TTN: variants seen among roughly 807,000 people sequenced by gnomAD.
TTN encodes titin.
In TTN, 1,525 loss-of-function variants were observed where a neutral mutation model predicts 3,223.0. That is an observed-to-expected ratio of 0.47 (90% CI 0.45 to 0.49). The LOEUF (loss-of-function observed/expected upper bound fraction) is 0.49, where lower values mean the gene tolerates loss of function less well. Ranked by LOEUF, TTN falls within the 20% of genes least tolerant of loss-of-function variation. The probability of loss-of-function intolerance (pLI) is 0.00; values close to 1 mark genes in which losing one functional copy is unlikely to be tolerated. For synonymous variants in TTN, 14,094 were observed against 15,161.0 expected (o/e 0.93, Z 5.17); for missense variants, 40,786 against 43,424.0 (o/e 0.94, Z 5.40).
rs1060503971 is a variant in TTN, at chr2:178,560,686, A to G, written c.85446T>C (p.Asp28482=). The change falls in exon 326 of 363, where the codon GAT becomes GAC. Residue 28482 remains aspartate, a synonymous_variant. Transcript: ENST00000589042. ...GTTTTTCTACGATGTAATAGTCGATATCTGCACCACCATCTTCTTGGGGAC... is the reference window on the plus strand; with the variant it reads ...GTTTTTCTACGATGTAATAGTCGATGTCTGCACCACCATCTTCTTGGGGAC... The part of the protein sequence containing the change: ...WGRPQEDGGA[D]IDYYIVEKRE... 6.2e-6 allele frequency: 10 copies of G among 1,613,710 alleles called. No individual in the cohort carries two copies. In the South Asian group the frequency reaches 7.7e-5, roughly 12 times the overall value.
chr2:178,764,129 TA>T (rs1316765226), intron 43 of TTN, 47 bp downstream of exon 43: 1 of 1,613,746 alleles, frequency 6.2e-7, no homozygotes, highest in Non-Finnish European at 8.5e-7. Context: ...TTTTCCCATG[TA>T]ATTATTTGTA....
chr2:178,592,276 A>C lies in TTN; in HGVS notation c.59628T>G (p.Asp19876Glu). Residue 19876 changes from aspartate to glutamate, a missense_variant and splice_region_variant, in exon 302 of 363, where the codon GAT (aspartate) becomes GAG (glutamate). By Grantham distance (45) the Asp-to-Glu change is conservative (BLOSUM62 2). Transcript: ENST00000589042. ...CCAGATCTCTAGGTGGCCCAGGTTT[A>C]TCTAAAAAGTGTTAAATAACAGTTT... The part of the protein sequence containing the change: ...KTVSVKVLVL[D>E]KPGPPRDLEV... 1 of 1,608,100 alleles carries C rather than the reference A, an allele frequency of 6.2e-7. No individual in the cohort carries two copies. The highest frequency in any genetic ancestry group is 8.5e-7 in the Non-Finnish European group (1 of 1,178,358).
At chr2:178,702,116 A>G in intron 108 of TTN, 50 bp from the exon 109 acceptor site, 1 of 1,613,370 alleles carries the variant, frequency 6.2e-7, no homozygotes, top group South Asian at 1.1e-5. Flanking sequence ...TGGTATAGGT[A>G]GGCTACGTGT....
chr2:178,541,274 G>T lies in TTN; in HGVS notation c.97795+8C>A. ...TCAATCAATTTGACTGATACAAAAT[G>T]TCCTTACCAATTGGATCCATGGCAA... On this transcript the variant is annotated splice_region_variant and intron_variant, in intron 350 of 362. Coordinates refer to ENST00000589042, the MANE Select transcript of TTN (RefSeq NM_001267550.2). 4 of 1,487,374 alleles carry T rather than the reference G, an allele frequency of 2.7e-6. No homozygotes were observed. The highest frequency in any genetic ancestry group is 3.6e-6 in the Non-Finnish European group (4 of 1,109,628). The allele number at this position is 1,487,374 out of a possible 1,614,324, so 92.1% of individuals were successfully genotyped here.
Position 178,565,227 on chromosome 2 carries a change from C to G in TTN, c.80905G>C (p.Val26969Leu). 6.2e-7 allele frequency: 1 copy of G among 1,613,542 alleles called. No individual in the cohort carries two copies. Among genetic ancestry groups the G allele is most frequent in the Non-Finnish European group, 8.5e-7 (1 of 1,179,688 alleles). The change falls in exon 326 of 363, where the codon GTT (valine) becomes CTT (leucine). Residue 26969 changes from valine (V) to leucine (L), a missense_variant. By Grantham distance (32) the Val-to-Leu change is conservative. Coordinates refer to ENST00000589042, the MANE Select transcript of TTN (RefSeq NM_001267550.2). ...GTATENLSVI[V>L]LEKPGPPVGP... ...ACTGGAGGTCCAGGCTTTTCTAAAACGATAACACTGAGATTTTCTGTTGCT... is the reference window on the plus strand; with the variant it reads ...ACTGGAGGTCCAGGCTTTTCTAAAAGGATAACACTGAGATTTTCTGTTGCT...
chr2:178,566,282 T>C lies in TTN; in HGVS notation c.79850A>G (p.Lys26617Arg). ...AGTGATCTCAGGCGTTGGACGACCT[T>C]TGAATGGAATGTGAATTCTGGCAGA... ...GGSARIHIPFKGRPTPEITWS... is the reference protein window; with the variant it reads ...GGSARIHIPFRGRPTPEITWS... The change falls in exon 326 of 363, where the codon AAA (lysine) becomes AGA (arginine). Residue 26617 changes from lysine to arginine, a missense_variant. Lys to Arg is a conservative substitution (Grantham distance 26). Transcript: ENST00000589042. The C allele has an allele frequency of 1.9e-6, 3 of 1,613,674 alleles. No homozygotes were observed. Among genetic ancestry groups the C allele is most frequent in the Middle Eastern group, 1.7e-4 (1 of 6,060 alleles).
At chr2:178,667,415 T>C in intron 161 of TTN, 27 bp downstream of exon 161, 1 of 1,586,590 alleles carries the variant, frequency 6.3e-7, no homozygotes, top group Non-Finnish European at 8.6e-7. Context: ...AAGATACTCA[T>C]CTGGGTTTGA....
At chr2:178,790,240 A>C in intron 11 of TTN, 125 bp from the exon 12 acceptor site, 1 of 974,992 alleles carries the variant, frequency 1.0e-6, no homozygotes, top group East Asian at 2.7e-5. Context: ...AATTGCACTA[A>C]AATATATCAT....
In TTN at chr2:178,731,304, C is replaced by A. The variant is rs747990127; in HGVS notation, c.17461+1G>T. On this transcript the variant is annotated splice_donor_variant, in intron 59 of 362. Coordinates refer to ENST00000589042, the MANE Select transcript of TTN (RefSeq NM_001267550.2). LOFTEE classifies it high-confidence loss of function. Reference sequence around the variant, plus strand: ...ACCCAAGGCAAACGTTCTGAACCAACCTTTTACTGAGAGTAATGCAGAACA... The same window carrying A: ...ACCCAAGGCAAACGTTCTGAACCAAACTTTTACTGAGAGTAATGCAGAACA... The A allele has an allele frequency of 5.0e-6, 8 of 1,613,596 alleles. No homozygotes were observed. The highest frequency in any genetic ancestry group is 3.3e-4 in the Middle Eastern group (2 of 6,056).
intron 250 of TTN, chr2:178,619,080 T>G: frequency 1.7e-6 from 1 of 595,754 alleles, no homozygotes; most frequent in East Asian, 3.1e-5. Context: ...CATAAAATCA[T>G]AAGACATGCA....
intron 49 of TTN, chr2:178,737,824 C>G (rs1283742818): frequency 8.3e-6 from 3 of 362,410 alleles, no homozygotes; most frequent in Non-Finnish European, 1.5e-5. Flanking sequence ...ATATGAAGGG[C>G]CAAGCTGAGC....
chr2:178,553,032 A>G lies in TTN; in HGVS notation c.89868T>C (p.Pro29956=), dbSNP rs781495722. Reference sequence around the variant, plus strand: ...TTGGAGATCCTCCATCAATGAGAGGAGGATCCCAGAGCAAAGTGACTGTGC... The same window carrying G: ...TTGGAGATCCTCCATCAATGAGAGGGGGATCCCAGAGCAAAGTGACTGTGC... ...SRGTVTLLWD[P]PLIDGGSPII... is the part of the protein sequence containing the mutation. Residue 29956 remains proline (P), a synonymous_variant, in exon 335 of 363, where the codon CCT becomes CCC. Coordinates refer to ENST00000589042, the MANE Select transcript of TTN (RefSeq NM_001267550.2). 1.2e-5 allele frequency: 20 copies of G among 1,611,744 alleles called. No individual in the cohort carries two copies. The highest frequency in any genetic ancestry group is 1.7e-5 in the Non-Finnish European group (20 of 1,179,744).
rs561557554 is a variant in TTN at position 178,730,979 on chromosome 2, C to T, written c.17686G>A (p.Glu5896Lys). 9.8e-5 allele frequency: 158 copies of T among 1,612,686 alleles called. 4 individuals carry two copies. The South Asian group carries it at 1.3e-3, about 14-fold the overall frequency. The change falls in exon 60 of 363, where the codon GAG becomes AAG. Residue 5896 changes from glutamate (E) to lysine (K), a missense_variant. Transcript: ENST00000589042. ...EKKDSGEYTF[E>K]VQNDVGRSSC... Reference sequence around the variant, plus strand: ...CTCCTCCCAACATCATTTTGGACCTCGAAAGTATATTCTCCACTATCTTTC... The same window carrying T: ...CTCCTCCCAACATCATTTTGGACCTTGAAAGTATATTCTCCACTATCTTTC...
rs2050770436 is a variant in TTN, at chr2:178,593,825, A to C, written c.58475T>G (p.Val19492Gly). 6.2e-7 allele frequency: 1 copy of C among 1,612,844 alleles called. No homozygotes were observed. Among genetic ancestry groups the C allele is most frequent in the African/African-American group, 1.3e-5 (1 of 74,852 alleles). The change falls in exon 298 of 363, where the codon GTG (valine) becomes GGG (glycine). Residue 19492 changes from valine (V) to glycine (G), a missense_variant. By Grantham distance (109) the Val-to-Gly change is moderately radical. Coordinates refer to ENST00000589042, the MANE Select transcript of TTN (RefSeq NM_001267550.2). ...PPVGPVSFDE[V>G]TKDYMVISWK... Reference sequence around the variant, plus strand: ...AGAGATAACCATGTAATCTTTGGTCACCTCATCAAAACTAACTGGTCCTAC... The same window carrying C: ...AGAGATAACCATGTAATCTTTGGTCCCCTCATCAAAACTAACTGGTCCTAC...
Position 178,672,718 on chromosome 2 carries a change from G to T in TTN, c.34787-15C>A. The stretch of plus-strand genomic sequence containing the variant: ...TTTCTTTGACACTTTAAAGATATTA[G>T]GTGTTTTAGTTAGCTGAGAATGTTC... On this transcript the variant is annotated splice_polypyrimidine_tract_variant and intron_variant, in intron 152 of 362. Transcript: ENST00000589042. 6.3e-7 allele frequency: 1 copy of T among 1,584,354 alleles called. No individual in the cohort carries two copies. Among genetic ancestry groups the T allele is most frequent in the Non-Finnish European group, 8.6e-7 (1 of 1,163,332 alleles).
Position 178,553,254 on chromosome 2 carries a change from A to T in TTN, c.89646T>A (p.Ser29882Arg). Residue 29882 changes from serine (S) to arginine (R), a missense_variant, in exon 335 of 363, where the codon AGT becomes AGA. Physicochemically the swap from Ser to Arg is moderately radical, Grantham distance 110 (BLOSUM62 -1). Coordinates refer to ENST00000589042, the MANE Select transcript of TTN (RefSeq NM_001267550.2). ...TGTTTTCAATGCTGTATCTGGCATC[A>T]CTGCCAAGATTCTTCTCATCTTTTC... ...TWRKDEKNLG[S>R]DARYSIENTD... The T allele has an allele frequency of 1.2e-6, 2 of 1,612,842 alleles. No individual in the cohort carries two copies. Among genetic ancestry groups the T allele is most frequent in the Non-Finnish European group, 1.7e-6 (2 of 1,179,812 alleles).
Position 178,554,769 on chromosome 2 carries a change from A to T in TTN, c.88595-17T>A, listed in dbSNP as rs1700701165. ...CTGGTTTGTCTATCAGTGAAAGGAC[A>T]AAACACGATGTTAGTACTTCTTTAA... On this transcript the variant is annotated splice_polypyrimidine_tract_variant and intron_variant, in intron 331 of 362. Transcript: ENST00000589042. 6.2e-7 allele frequency: 1 copy of T among 1,612,544 alleles called. No individual in the cohort carries two copies. Among genetic ancestry groups the T allele is most frequent in the Non-Finnish European group, 8.5e-7 (1 of 1,179,558 alleles).
intron 29 of TTN, 39 bp downstream of exon 29, chr2:178,774,882 G>C: frequency 6.2e-7 from 1 of 1,611,728 alleles, no homozygotes; most frequent in Non-Finnish European, 8.5e-7. Context: ...GGTGACTTTA[G>C]AGCTTAGGTA....
intron 213 of TTN, among the ~76,000 whole-genome samples, 173 bp downstream of exon 213, chr2:178,649,071 CCACT>C (rs2062486540): frequency 6.6e-6 from 1 of 152,012 alleles, no homozygotes; most frequent in African/African-American, 2.4e-5. Flanking sequence ...CAACTGAATC[CCACT>C]CATTTTTTCA....
Sources: allele counts gnomAD v4.1 joint callset (sites outside exome capture counted in the v4.1 genomes callset), GRCh38; gene constraint gnomAD v4.1.1; transcripts MANE v1.5; gene names NCBI Gene and HGNC (gene_info 2026-07-23, HGNC 2026-07-21).